Variants in POU6F2 observed in about 807,000 individuals in gnomAD.
POU6F2 encodes the protein POU domain, class 6, transcription factor 2.
In POU6F2, 31 loss-of-function variants were observed where a neutral mutation model predicts 71.3. The observed-to-expected ratio is 0.43, with a 90% CI of 0.33 to 0.59. The LOEUF (loss-of-function observed/expected upper bound fraction) is 0.59. POU6F2 is among the 20% of genes least tolerant of loss of function. POU6F2 has a pLI of 0.04. For synonymous variants in POU6F2, 347 were observed against 355.7 expected, an observed-to-expected ratio of 0.98 and a Z score of 0.27; for missense variants, 783 against 856.8, an observed-to-expected ratio of 0.91 and a Z score of 1.07.
chr7:39,083,339 T>A (rs981936714), intron 1 of POU6F2, among the ~76,000 whole-genome samples: 2 of 152,168 alleles, frequency 1.3e-5, no homozygotes, highest in African/African-American at 2.4e-5. Context: ...GTCTTAAAGG[T>A]ATAGGTCACA....
At chr7:38,980,978 C>A (rs1287347826) in intron 1 of POU6F2, among the ~76,000 whole-genome samples, 1 of 152,094 alleles carries the variant, frequency 6.6e-6, no homozygotes, top group Non-Finnish European at 1.5e-5. Flanking sequence ...TCTCCTCCCC[C>A]AAGCAAGCAA....
intron 4 of POU6F2, among the ~76,000 whole-genome samples, chr7:39,288,276 C>T (rs183643264): frequency 7.0e-4 from 106 of 152,222 alleles, no homozygotes; most frequent in African/African-American, 2.4e-3. Context: ...TAAGACAGAC[C>T]TGAGTTCAAA....
intron 2 of POU6F2, among the ~76,000 whole-genome samples, chr7:39,191,894 G>C (rs1793677697): frequency 6.6e-6 from 1 of 152,148 alleles, no homozygotes; most frequent in East Asian, 1.9e-4. Flanking sequence ...TAATTGTTTG[G>C]CTGGTTGGTT....
intron 2 of POU6F2, among the ~76,000 whole-genome samples, chr7:39,097,927 G>A (rs1791486706): frequency 6.6e-6 from 1 of 152,178 alleles, no homozygotes; most frequent in Non-Finnish European, 1.5e-5. Context: ...TTGTTTGTTG[G>A]TTAGAAACCT....
chr7:39,015,980 TA>T (rs369439902), intron 1 of POU6F2, among the ~76,000 whole-genome samples: 262 of 10,496 alleles, frequency 0.025, 7 homozygotes, highest in South Asian at 0.038. Context: ...ATATTATATA[TA>T]GATATATATA....
At chr7:39,107,134 T>G (rs1791708482) in intron 2 of POU6F2, among the ~76,000 whole-genome samples, 1 of 151,700 alleles carries the variant, frequency 6.6e-6, no homozygotes, top group Non-Finnish European at 1.5e-5. Context: ...AGCCTTGACC[T>G]TCTGGGCCCA....
At chr7:39,002,657 A>G (rs868782446) in intron 1 of POU6F2, among the ~76,000 whole-genome samples, 2 of 152,196 alleles carry the variant, frequency 1.3e-5, no homozygotes, top group Non-Finnish European at 2.9e-5. Flanking sequence ...AGTGATTTAC[A>G]AAGTATTAAG....
chr7:38,996,232 G>C (rs1221320030), intron 1 of POU6F2, among the ~76,000 whole-genome samples: 1 of 151,686 alleles, frequency 6.6e-6, no homozygotes, highest in South Asian at 2.1e-4. Flanking sequence ...GTAAAGATGG[G>C]GTTTCACCAT....
At chr7:39,197,536 A>C (rs1293817892) in intron 2 of POU6F2, among the ~76,000 whole-genome samples, 5 of 152,054 alleles carry the variant, frequency 3.3e-5, no homozygotes, top group Non-Finnish European at 5.9e-5. Flanking sequence ...AGCCCAGAAC[A>C]TGTGTGGCTG....
At chr7:39,146,549 A>G (rs993534316) in intron 2 of POU6F2, among the ~76,000 whole-genome samples, 1 of 152,226 alleles carries the variant, frequency 6.6e-6, no homozygotes, top group Admixed American at 6.5e-5. Context: ...ATAGTTTGAT[A>G]GCCACGTTTG....
At chr7:39,246,997 C>T (rs1288313366) in intron 4 of POU6F2, among the ~76,000 whole-genome samples, 1 of 149,586 alleles carries the variant, frequency 6.7e-6, no homozygotes, top group African/African-American at 2.5e-5. Context: ...CTGCAACCTC[C>T]ATCTCCAGGG....
intron 2 of POU6F2, among the ~76,000 whole-genome samples, chr7:39,112,769 G>A (rs541864899): frequency 2.4e-4 from 37 of 152,178 alleles, no homozygotes; most frequent in African/African-American, 8.2e-4. Context: ...GCTTGGCTAC[G>A]TAGCTATATA....
intron 4 of POU6F2, among the ~76,000 whole-genome samples, chr7:39,249,462 T>A (rs1345251593): frequency 1.3e-5 from 2 of 152,182 alleles, no homozygotes; most frequent in Non-Finnish European, 2.9e-5. Flanking sequence ...TCAAATCATG[T>A]CTGGGGAAAC....
At chr7:39,064,059 G>A (rs545275910) in intron 1 of POU6F2, among the ~76,000 whole-genome samples, 4 of 152,208 alleles carry the variant, frequency 2.6e-5, no homozygotes, top group Admixed American at 6.5e-5. Flanking sequence ...AAGGAACATC[G>A]TGAAGTAAAT....
intron 4 of POU6F2, among the ~76,000 whole-genome samples, chr7:39,224,943 A>T (rs1367863181): frequency 6.6e-6 from 1 of 152,206 alleles, no homozygotes; most frequent in Non-Finnish European, 1.5e-5. Flanking sequence ...ATATCATATG[A>T]CCATGTGATT....
intron 4 of POU6F2, among the ~76,000 whole-genome samples, chr7:39,285,680 A>G (rs754740897): frequency 6.6e-6 from 1 of 152,246 alleles, no homozygotes; most frequent in South Asian, 2.1e-4. Context: ...AAAAAAATAC[A>G]TATTTCAATC....
chr7:39,122,881 T>A (rs1359772312), intron 2 of POU6F2, among the ~76,000 whole-genome samples: 1 of 152,046 alleles, frequency 6.6e-6, no homozygotes, highest in Non-Finnish European at 1.5e-5. Flanking sequence ...CTAATTTTTG[T>A]ATTTTTAGTA....
chr7:39,450,005 G>A (rs955077385), intron 7 of POU6F2, among the ~76,000 whole-genome samples: 2 of 152,130 alleles, frequency 1.3e-5, no homozygotes, highest in African/African-American at 2.4e-5. Context: ...ATGATGAGAA[G>A]GTTCTATATC....
In POU6F2 at chr7:39,464,205, T is replaced by C. The variant is rs755537871; in HGVS notation, c.1682T>C (p.Phe561Ser). ...AGACACACCATCCTGAGAAGCCACT[T>C]TTTCCTACCACAGGAAGCCCAAGAG... is the stretch of plus-strand genomic sequence containing the variant. ...ICRHTILRSH[F>S]FLPQEAQENT... The change falls in exon 10 of 10, where the codon TTT becomes TCT. Residue 561 changes from phenylalanine to serine, a missense_variant. By Grantham distance (155) the Phe-to-Ser change is radical. Around this residue, in one of 2 missense-constraint regions of POU6F2, gnomAD observed 211 missense variants for 283.9 expected, o/e 0.74. Transcript: ENST00000518318. The surrounding 1 kb of genome is among the most constrained non-coding windows in gnomAD (Gnocchi z 4.1). 1.5e-5 allele frequency: 25 copies of C among 1,613,748 alleles called. No homozygotes were observed. Among genetic ancestry groups the C allele is most frequent in the Non-Finnish European group, 2.0e-5 (24 of 1,179,754 alleles).
Sources: gnomAD v4.1 joint callset for allele counts (sites outside exome capture counted in the v4.1 genomes callset) on GRCh38, gnomAD v4.1.1 for gene constraint, gnomAD v4.1.1 regional missense constraint, Gnocchi (gnomAD v3.1) non-coding constraint, MANE v1.5 for transcripts, NCBI Gene and HGNC (gene_info 2026-07-23, HGNC 2026-07-21) for gene names.